ZSCAN25: variants seen among roughly 807,000 people sequenced by gnomAD.
ZSCAN25 encodes the protein zinc finger and SCAN domain containing 25.
A neutral mutation model predicts 38.7 loss-of-function variants in ZSCAN25; 27 were observed. The ratio of observed to expected loss-of-function variants is 0.70; its 90% CI spans 0.51 to 0.96. The LOEUF (loss-of-function observed/expected upper bound fraction) is 0.96. ZSCAN25 is among the 40% of genes least tolerant of loss of function. The probability of loss-of-function intolerance (pLI) is 0.00; values close to 1 mark genes in which losing one functional copy is unlikely to be tolerated. For missense variants in ZSCAN25, 637 were observed against 705.9 expected, an observed-to-expected ratio of 0.90 and a Z score of 1.11; for synonymous variants, 273 against 277.7, an observed-to-expected ratio of 0.98 and a Z score of 0.17.
chr7:99,671,117 T>TTGTGTGTGTGTGTGTG, the ZSCAN25 span: 7 of 141,822 alleles, frequency 4.9e-5, no homozygotes, highest in Non-Finnish European at 9.3e-5. Flanking sequence ...CACAGACCAT[T>TTGTGTGTGTGTGTGTG]TGTGTGTGTG....
chr7:99,715,556 T>C, the ZSCAN25 span: 2 of 880,022 alleles, frequency 2.3e-6, no homozygotes, highest in Non-Finnish European at 3.4e-6. Context: ...GGCAGGGGGT[T>C]GATAGCTAAA....
rs548205264 is a variant in ZSCAN25, at chr7:99,620,098, G to A, written c.387+105G>A. ...GTAGGAGTGGACGAGGTGTGGAGCC[G>A]CCCTCCTCTGCCCTCAGACTCCCTG... On this transcript the variant is annotated intron_variant, in intron 4 of 7. Transcript: ENST00000394152. The A allele has an allele frequency of 2.7e-5, 38 of 1,404,824 alleles. 1 individual carries two copies. The East Asian group carries it at 3.5e-4, about 13-fold the overall frequency. The allele number at this position is 1,404,824 out of a possible 1,614,324, so 87.0% of individuals were successfully genotyped here.
rs911066414 is a variant in ZSCAN25, at chr7:99,627,705, G to A, written c.806-1486G>A. 6.0e-5 allele frequency among the ~76,000 whole-genome samples: 9 copies of A among 150,274 alleles called. No homozygotes were observed. In the East Asian group the frequency reaches 7.8e-4, roughly 13 times the overall value. On this transcript the variant is annotated intron_variant, in intron 7 of 7. Coordinates refer to ENST00000394152, the MANE Select transcript of ZSCAN25 (RefSeq NM_145115.3). ...TGTATATGCTGTATACGTATATCTC[G>A]TATATGCTGTATACGTATATCTCGT...
At chr7:99,665,375 A>T in the ZSCAN25 span, 3 of 1,594,350 alleles carry the variant, frequency 1.9e-6, no homozygotes, top group Non-Finnish European at 1.7e-6. Context: ...TCCACTATAC[A>T]TGCAGCAAGA....
At chr7:99,670,715 C>G in the ZSCAN25 span, among the ~76,000 whole-genome samples, 2 of 152,160 alleles carry the variant, frequency 1.3e-5, no homozygotes, top group Admixed American at 1.3e-4. Context: ...CATGTCATTG[C>G]TTTTTGGCAG....
the ZSCAN25 span, chr7:99,652,478 T>C: frequency 8.9e-6 from 8 of 898,954 alleles, no homozygotes; most frequent in South Asian, 1.0e-4. Flanking sequence ...ACGATTGTCA[T>C]GTAGATTAAG....
At chr7:99,658,879 A>C in the ZSCAN25 span, 2 of 152,150 alleles carry the variant, frequency 1.3e-5, no homozygotes, top group Non-Finnish European at 2.9e-5. Context: ...TGAATTGGCT[A>C]CTGAGGCTTG....
the ZSCAN25 span, among the ~76,000 whole-genome samples, chr7:99,696,236 C>CTT: frequency 0.03 from 4,349 of 147,280 alleles, 89 homozygotes; most frequent in Non-Finnish European, 0.044. Flanking sequence ...GAAAGGGTGA[C>CTT]TTTTTTTTTT....
At chr7:99,715,827 C>T in the ZSCAN25 span, 3 of 1,613,924 alleles carry the variant, frequency 1.9e-6, no homozygotes, top group East Asian at 6.7e-5. Context: ...ACAAAGGGGT[C>T]TTGTGGATTG....
At chr7:99,652,722 C>A in the ZSCAN25 span, 7 of 1,614,142 alleles carry the variant, frequency 4.3e-6, no homozygotes, top group African/African-American at 1.3e-5. Context: ...CTGAGTGTTT[C>A]ATTCACCACC....
At chr7:99,724,720 C>T in the ZSCAN25 span, among the ~76,000 whole-genome samples, 1 of 152,162 alleles carries the variant, frequency 6.6e-6, no homozygotes, top group Non-Finnish European at 1.5e-5. Flanking sequence ...CAACAATTTT[C>T]TCTTAGTCAG....
chr7:99,724,719 T>C, the ZSCAN25 span, among the ~76,000 whole-genome samples: 115,911 of 152,068 alleles, frequency 0.76, 47,138 homozygotes, highest in Non-Finnish European at 0.91. Flanking sequence ...CCAACAATTT[T>C]CTCTTAGTCA....
the ZSCAN25 span, among the ~76,000 whole-genome samples, chr7:99,690,835 A>G: frequency 5.9e-5 from 9 of 152,302 alleles, no homozygotes; most frequent in East Asian, 1.3e-3. Flanking sequence ...ACACTTTTAC[A>G]CTGTTGGTGT....
chr7:99,622,627 C>G lies in ZSCAN25; in HGVS notation c.668C>G (p.Thr223Ser). 1 of 1,614,168 alleles carries G rather than the reference C, an allele frequency of 6.2e-7. No homozygotes were observed. The highest frequency in any genetic ancestry group is 8.5e-7 in the Non-Finnish European group (1 of 1,179,994). The change falls in exon 6 of 8, where the codon ACT (threonine) becomes AGT (serine). Residue 223 changes from threonine to serine, a missense_variant. By Grantham distance (58) the Thr-to-Ser change is moderately conservative. Coordinates refer to ENST00000394152, the MANE Select transcript of ZSCAN25 (RefSeq NM_145115.3). ...CAAGAGATGGCAGCTGGGTTCTTTACTGCTGGATCGCAGGTGAGCTCTGAC... is the reference window on the plus strand; with the variant it reads ...CAAGAGATGGCAGCTGGGTTCTTTAGTGCTGGATCGCAGGTGAGCTCTGAC... Reference protein sequence around the residue: ...RDQEMAAGFFTAGSQGLGPFK... With the variant: ...RDQEMAAGFFSAGSQGLGPFK...
the ZSCAN25 span, among the ~76,000 whole-genome samples, chr7:99,701,949 G>A: frequency 2.1e-4 from 32 of 152,164 alleles, no homozygotes; most frequent in African/African-American, 7.5e-4. Flanking sequence ...TTAACTTGAT[G>A]TGATTCCATT....
At chr7:99,724,294 C>A in the ZSCAN25 span, among the ~76,000 whole-genome samples, 4 of 152,132 alleles carry the variant, frequency 2.6e-5, no homozygotes, top group African/African-American at 9.7e-5. Flanking sequence ...ACAAACTGGA[C>A]AATGGTTCCA....
chr7:99,619,266 C>T (rs1194826075), intron 3 of ZSCAN25, 134 bp downstream of exon 3: 2 of 204,338 alleles, frequency 9.8e-6, no homozygotes, highest in East Asian at 1.2e-4. Context: ...GGTGACTCAC[C>T]CAGTTATAAC....
the ZSCAN25 span, chr7:99,674,346 C>G: frequency 1.3e-5 from 6 of 474,924 alleles, no homozygotes; most frequent in African/African-American, 1.2e-4. Flanking sequence ...TTTATAACGG[C>G]AAGCAGATTC....
At chr7:99,685,071 T>C in the ZSCAN25 span, 1 of 1,148,214 alleles carries the variant, frequency 8.7e-7, no homozygotes. Context: ...ATTCACAAAG[T>C]AATTTGAGGT....
Sources: allele counts gnomAD v4.1 joint callset (sites outside exome capture counted in the v4.1 genomes callset), GRCh38; gene constraint gnomAD v4.1.1; transcripts MANE v1.5; gene names NCBI Gene and HGNC (gene_info 2026-07-23, HGNC 2026-07-21).